The following GPC5 variants were observed in gnomAD, a reference collection of about 807,000 sequenced individuals.
The protein encoded by GPC5 is glypican-5.
A neutral mutation model predicts 53.9 loss-of-function variants in GPC5; 47 were observed. The ratio of observed to expected loss-of-function variants is 0.87; its 90% confidence interval spans 0.69 to 1.11. The LOEUF (loss-of-function observed/expected upper bound fraction) is 1.11, where lower values mean the gene tolerates loss of function less well. Among genes scored for constraint, GPC5 ranks in the 50% most tolerant of loss-of-function variants. The probability of loss-of-function intolerance (pLI) is 0.00; values close to 1 mark genes in which losing one functional copy is unlikely to be tolerated. For missense variants in GPC5, 748 were observed against 713.1 expected (o/e 1.05, Z -0.56); for synonymous variants, 286 against 263.3 (o/e 1.09, Z -0.84).
In GPC5 at chr13:92,071,100, G is replaced by A. The variant is rs2041207607; in HGVS notation, c.1402-73730G>A. On this transcript the variant is annotated intron_variant, in intron 6 of 7. Transcript: ENST00000377067. ...AAAATACAAAAATTAGCCAGGCGTG[G>A]TGGCATGCACCTGTAGTCCCAACTA... Among the ~76,000 whole-genome samples, 3 of 152,054 alleles carry A rather than the reference G, an allele frequency of 2.0e-5. No homozygotes were observed. The South Asian group carries it at 6.2e-4, about 31-fold the overall frequency.
chr13:91,846,871 T>A (rs1292627349), intron 5 of GPC5, among the ~76,000 whole-genome samples: 1 of 151,828 alleles, frequency 6.6e-6, no homozygotes, highest in Non-Finnish European at 1.5e-5. Context: ...AAAAATTAGA[T>A]TGTTGGAGTG....
At chr13:92,015,350 A>G (rs2040697511) in intron 6 of GPC5, among the ~76,000 whole-genome samples, 1 of 152,180 alleles carries the variant, frequency 6.6e-6, no homozygotes. Flanking sequence ...CTTTTTCTAT[A>G]AAATCCCCTT....
intron 7 of GPC5, among the ~76,000 whole-genome samples, chr13:92,216,525 ACTAT>A (rs2139081802): frequency 6.6e-6 from 1 of 152,308 alleles, no homozygotes; most frequent in South Asian, 2.1e-4. Context: ...GTTCCTTGAT[ACTAT>A]CTGAGAGGAA....
chr13:92,163,227 C>T (rs557903523), intron 7 of GPC5, among the ~76,000 whole-genome samples: 5 of 151,988 alleles, frequency 3.3e-5, no homozygotes, highest in East Asian at 1.9e-4. Context: ...TTGAGGAGTC[C>T]GAGGTGGGCG....
At chr13:92,129,454 A>G (rs537982854) in intron 6 of GPC5, among the ~76,000 whole-genome samples, 22 of 152,358 alleles carry the variant, frequency 1.4e-4, no homozygotes, top group African/African-American at 4.8e-4. Context: ...GTCCAGCATG[A>G]TACGAAAAAT....
chr13:91,423,573 G>C (rs551839798), intron 1 of GPC5, among the ~76,000 whole-genome samples: 1 of 151,836 alleles, frequency 6.6e-6, no homozygotes, highest in African/African-American at 2.4e-5. Context: ...TACCAGTAGA[G>C]GGGGGGTGTG....
chr13:92,442,565 T>C (rs1353416567), intron 7 of GPC5, among the ~76,000 whole-genome samples: 1 of 152,230 alleles, frequency 6.6e-6, no homozygotes, highest in East Asian at 1.9e-4. Flanking sequence ...TCATCAATAG[T>C]ACCAGGATAT....
intron 7 of GPC5, among the ~76,000 whole-genome samples, chr13:92,548,467 C>T (rs1466064431): frequency 2.0e-5 from 3 of 151,156 alleles, no homozygotes; most frequent in African/African-American, 7.3e-5. Context: ...AAACAAATAA[C>T]AATAATGTTT....
rs1388251889 is a variant in GPC5, at chr13:92,031,755, TATTACATATTATATATAATATATA to T, written c.1402-113072_1402-113049del. ...TACATATTATATATAATATATATTATATTACATATTATATATAATATATAATATATTACATATTATATATAATAT... is the reference window on the plus strand; with the variant it reads ...TACATATTATATATAATATATATTATATATATTACATATTATATATAATAT... On this transcript the variant is annotated intron_variant, in intron 6 of 7. Transcript: ENST00000377067. Among the ~76,000 whole-genome samples, 54 of 101,502 alleles carry T rather than the reference TATTACATATTATATATAATATATA, an allele frequency of 5.3e-4. 3 individuals are homozygous for T. The highest frequency in any genetic ancestry group is 2.3e-3 in the African/African-American group (49 of 21,352). 66.6% of individuals were successfully genotyped at this position (101,502 alleles called of 152,430 possible).
chr13:91,422,109 T>C (rs1220264925), intron 1 of GPC5, among the ~76,000 whole-genome samples: 3 of 152,128 alleles, frequency 2.0e-5, no homozygotes, highest in Non-Finnish European at 4.4e-5. Context: ...AAACAAAAAC[T>C]TAATATCCCT....
chr13:92,712,643 T>C (rs1888178817), intron 7 of GPC5, among the ~76,000 whole-genome samples: 1 of 152,194 alleles, frequency 6.6e-6, no homozygotes, highest in Admixed American at 6.5e-5. Context: ...AGGCAAACTA[T>C]AGACTGGATG....
At position 91,843,662 on chromosome 13, in the gene GPC5, T is replaced by G. The variant is rs925210469; in HGVS notation, c.1281-64275T>G. On this transcript the variant is annotated intron_variant, in intron 5 of 7. Coordinates refer to ENST00000377067, the MANE Select transcript of GPC5 (RefSeq NM_004466.6). ...GGGGGTCATAGAGCCAGAAGACATC[T>G]TTTGGAAAACAACTGTAGTGGCTGT... Among the ~76,000 whole-genome samples, 6 of 152,266 alleles carry G rather than the reference T, an allele frequency of 3.9e-5. No homozygotes were observed. In the East Asian group the frequency reaches 1.2e-3, roughly 29 times the overall value.
At chr13:91,416,485 T>A (rs1878237865) in intron 1 of GPC5, among the ~76,000 whole-genome samples, 1 of 152,028 alleles carries the variant, frequency 6.6e-6, no homozygotes, top group Admixed American at 6.6e-5. Context: ...ATACTTTAAG[T>A]TCTAGGGTAC....
chr13:92,582,267 A>G (rs1883396748), intron 7 of GPC5, among the ~76,000 whole-genome samples: 1 of 152,112 alleles, frequency 6.6e-6, no homozygotes. Context: ...GTATGTGGTT[A>G]TCCAGTTTTC....
chr13:91,812,205 A>G (rs1009180683), intron 5 of GPC5, among the ~76,000 whole-genome samples: 2 of 152,214 alleles, frequency 1.3e-5, no homozygotes, highest in African/African-American at 4.8e-5. Context: ...GCAGAAGTCC[A>G]GACTATAAAT....
chr13:91,635,143 G>C (rs1394441400), intron 2 of GPC5, among the ~76,000 whole-genome samples: 1 of 151,998 alleles, frequency 6.6e-6, no homozygotes, highest in African/African-American at 2.4e-5. Context: ...ACCCAGACTA[G>C]GGCCTCCAAC....
intron 2 of GPC5, among the ~76,000 whole-genome samples, chr13:91,648,624 C>G (rs2034619670): frequency 6.6e-6 from 1 of 152,100 alleles, no homozygotes; most frequent in Admixed American, 6.5e-5. Context: ...TTCTATAACT[C>G]TGGCATCCAG....
chr13:91,670,711 CG>C (rs2035224879), intron 2 of GPC5, among the ~76,000 whole-genome samples: 1 of 152,006 alleles, frequency 6.6e-6, no homozygotes, highest in Admixed American at 6.6e-5. Flanking sequence ...TTGCTGAGGG[CG>C]GGGCATAAAC....
At chr13:92,359,763 A>C (rs9584025) in intron 7 of GPC5, among the ~76,000 whole-genome samples, 45,537 of 151,152 alleles carry the variant, frequency 0.3, 7,476 homozygotes, top group South Asian at 0.41. Flanking sequence ...ACAATCAGAT[A>C]TTGTGAGAAC....
Sources: allele counts gnomAD v4.1 joint callset (sites outside exome capture counted in the v4.1 genomes callset), GRCh38; gene constraint gnomAD v4.1.1; transcripts MANE v1.5; gene names NCBI Gene and HGNC (gene_info 2026-07-23, HGNC 2026-07-21).